The following CELF2 variants were observed in gnomAD, a reference collection of about 807,000 sequenced individuals.
CELF2 encodes CUGBP Elav-like family member 2.
Under a neutral mutation model 62.6 loss-of-function variants are expected in CELF2, and 8 were observed. The ratio of observed to expected loss-of-function variants is 0.13; its 90% CI spans 0.07 to 0.23. The LOEUF is 0.23. Ranked by LOEUF, CELF2 falls within the 10% of genes least tolerant of loss-of-function variation. CELF2 has a pLI of 1.00. For synonymous variants in CELF2, 258 were observed against 250.0 expected (o/e 1.03, Z -0.30); for missense variants, 333 against 671.0 (o/e 0.50, Z 5.56).
At chr10:10,982,013 T>C (rs926779532) in intron 2 of CELF2, among the ~76,000 whole-genome samples, 2 of 144,870 alleles carry the variant, frequency 1.4e-5, no homozygotes, top group Non-Finnish European at 1.5e-5. Flanking sequence ...TGGAGTGCAA[T>C]GGCATGATCT....
Position 11,197,070 on chromosome 10 carries a change from G to GAAAGGAAAGAAAGGAAA in CELF2, c.272-20355_272-20354insAAAGGAAAGAAAGGAAA, listed in dbSNP as rs1329770894. ...GAAAGAAAGAAAGAAAAGAAAGAAA[G>GAAAGGAAAGAAAGGAAA]GAAAGAAAGAAAGAAGAAAGAAAGA... is the stretch of plus-strand genomic sequence containing the variant. On this transcript the variant is annotated intron_variant, in intron 2 of 12. Coordinates refer to ENST00000633077, the MANE Select transcript of CELF2 (RefSeq NM_001326342.2). Among the ~76,000 whole-genome samples the GAAAGGAAAGAAAGGAAA allele has an allele frequency of 1.0e-4, 8 of 78,146 alleles. 1 individual carries two copies. The highest frequency in any genetic ancestry group is 5.9e-3 in the Middle Eastern group (1 of 170). 51.3% of individuals were successfully genotyped at this position (78,146 alleles called of 152,430 possible).
chr10:11,031,384 C>T (rs193036971), intron 1 of CELF2, among the ~76,000 whole-genome samples: 1 of 152,298 alleles, frequency 6.6e-6, no homozygotes, highest in East Asian at 1.9e-4. Context: ...CTTTCAGCCA[C>T]TCCACAGCTT....
chr10:11,182,380 A>G (rs2134070982), intron 2 of CELF2, among the ~76,000 whole-genome samples: 1 of 152,312 alleles, frequency 6.6e-6, no homozygotes, highest in Middle Eastern at 3.4e-3. Flanking sequence ...GTGCCAAGAC[A>G]TACGACCCTT....
At position 11,273,164 on chromosome 10, in the gene CELF2, A is replaced by C. The variant is rs182734224; in HGVS notation, c.778-1893A>C. On this transcript the variant is annotated intron_variant, in intron 7 of 12. Transcript: ENST00000633077. ...ATAACCTGATAGTGTGAAGTCCCAT[A>C]ATACCGTCGTACCTGAGGCTTGGGT... is the stretch of plus-strand genomic sequence containing the variant. 5.3e-5 allele frequency among the ~76,000 whole-genome samples: 8 copies of C among 152,146 alleles called. No individual in the cohort carries two copies. The East Asian group carries it at 1.4e-3, about 26-fold the overall frequency.
At chr10:10,683,724 A>G in the CELF2 span, among the ~76,000 whole-genome samples, 34,721 of 152,178 alleles carry the variant, frequency 0.23, 4,167 homozygotes, top group South Asian at 0.43. Flanking sequence ...TGTAGATCAT[A>G]TATGATGGGC....
the CELF2 span, among the ~76,000 whole-genome samples, chr10:10,735,387 C>T: frequency 3.8e-3 from 571 of 151,990 alleles, 5 homozygotes; most frequent in African/African-American, 0.013. Flanking sequence ...CAGTATGTTG[C>T]GAAAAAAATT....
At chr10:11,054,713 T>C (rs1245291809) in intron 1 of CELF2, among the ~76,000 whole-genome samples, 1 of 152,144 alleles carries the variant, frequency 6.6e-6, no homozygotes, top group Admixed American at 6.5e-5. Context: ...GAAAAAGACT[T>C]TCTTTTCTAG....
intron 2 of CELF2, among the ~76,000 whole-genome samples, chr10:11,176,787 C>A (rs1183002260): frequency 6.6e-6 from 1 of 152,120 alleles, no homozygotes; most frequent in East Asian, 1.9e-4. Context: ...ATCAACAAGG[C>A]GTTACTTTTG....
chr10:11,017,938 G>A lies in CELF2; in HGVS notation c.-152G>A. 1 of 984,632 alleles carries A rather than the reference G, an allele frequency of 1.0e-6. No homozygotes were observed. The highest frequency in any genetic ancestry group is 1.8e-5 in the African/African-American group (1 of 56,908). 61.0% of individuals were successfully genotyped at this position (984,632 alleles called of 1,614,324 possible). A position where few individuals can be genotyped will look rare whatever the true frequency, so the allele number is the denominator to read the frequency against. ...CGGCGCTGGATTTCGGAGGGGATTG[G>A]CGGAGCGCGAGGAGAGAATGTGACA... On this transcript the variant is annotated 5_prime_UTR_variant, in exon 1 of 13. Coordinates refer to ENST00000633077, the MANE Select transcript of CELF2 (RefSeq NM_001326342.2). The surrounding 1 kb of genome is among the most constrained non-coding windows in gnomAD (Gnocchi z 5.5).
At chr10:10,591,970 A>G in the CELF2 span, among the ~76,000 whole-genome samples, 1 of 152,226 alleles carries the variant, frequency 6.6e-6, no homozygotes, top group African/African-American at 2.4e-5. Context: ...TGTTTCATTA[A>G]ATTCACTCAG....
At chr10:10,536,251 C>T in the CELF2 span, among the ~76,000 whole-genome samples, 1 of 152,258 alleles carries the variant, frequency 6.6e-6, no homozygotes, top group East Asian at 1.9e-4. Context: ...ATCTCCTGAC[C>T]TTGTGATCTG....
the CELF2 span, among the ~76,000 whole-genome samples, chr10:10,543,187 G>T: frequency 2.6e-5 from 4 of 152,192 alleles, no homozygotes. Flanking sequence ...TGGCTGGGGA[G>T]CCAAGGGGTA....
upstream of CELF2, among the ~76,000 whole-genome samples, chr10:11,013,438 TAGTG>T (rs2056785350): frequency 6.6e-6 from 1 of 152,142 alleles, no homozygotes; most frequent in Non-Finnish European, 1.5e-5. The surrounding 1 kb of genome is among the most constrained non-coding windows in gnomAD (Gnocchi z 4.1). Flanking sequence ...CAGACCACGC[TAGTG>T]GGGTCCCTCC....
At chr10:11,183,091 A>G (rs72773996) in intron 2 of CELF2, among the ~76,000 whole-genome samples, 1,558 of 151,948 alleles carry the variant, frequency 0.01, 18 homozygotes, top group South Asian at 0.025. Flanking sequence ...CACATCTCTC[A>G]CCCCTGAAAG....
the CELF2 span, among the ~76,000 whole-genome samples, chr10:10,524,719 G>T: frequency 0.034 from 5,137 of 152,068 alleles, 286 homozygotes; most frequent in African/African-American, 0.12. Flanking sequence ...TTCAAATGAT[G>T]CCTCACACTT....
At position 11,255,721 on chromosome 10, in the gene CELF2, G is replaced by A. The variant is rs1221576294; in HGVS notation, c.404-2017G>A. ...CTGCCTCAAGAGCCCCAGTCACCCCGAGTATGTCACAGGCCACCTTCTCTC... is the reference window on the plus strand; with the variant it reads ...CTGCCTCAAGAGCCCCAGTCACCCCAAGTATGTCACAGGCCACCTTCTCTC... On this transcript the variant is annotated intron_variant, in intron 4 of 12. Transcript: ENST00000633077. This position sits in a 1 kb window ranked among gnomAD's most constrained non-coding sequence, Gnocchi z 5.5. Among the ~76,000 whole-genome samples, 2 of 152,126 alleles carry A rather than the reference G, an allele frequency of 1.3e-5. No individual in the cohort carries two copies. Among genetic ancestry groups the A allele is most frequent in the Admixed American group, 6.5e-5 (1 of 15,278 alleles).
At position 11,214,623 on chromosome 10, in the gene CELF2, G is replaced by T. The variant is rs921491568; in HGVS notation, c.272-2802G>T. On this transcript the variant is annotated intron_variant, in intron 2 of 12. Transcript: ENST00000633077. This position sits in a 1 kb window ranked among gnomAD's most constrained non-coding sequence, Gnocchi z 4.2. ...CCCTGCCAAACGCGGCGCCTGTGGAGCTGTGCTGGGGCTCAGCTCTTGGGT... is the reference window on the plus strand; with the variant it reads ...CCCTGCCAAACGCGGCGCCTGTGGATCTGTGCTGGGGCTCAGCTCTTGGGT... 6.6e-6 allele frequency among the ~76,000 whole-genome samples: 1 copy of T among 152,218 alleles called. No homozygotes were observed. Among genetic ancestry groups the T allele is most frequent in the Non-Finnish European group, 1.5e-5 (1 of 68,032 alleles).
intron 1 of CELF2, among the ~76,000 whole-genome samples, chr10:11,020,108 A>C (rs1347467146): frequency 6.6e-6 from 1 of 152,176 alleles, no homozygotes; most frequent in Non-Finnish European, 1.5e-5. Flanking sequence ...TGTTCAAGCG[A>C]TTTGCTCTGA....
chr10:11,197,035 A>AGG, intron 2 of CELF2, among the ~76,000 whole-genome samples: 1 of 35,984 alleles, frequency 2.8e-5, no homozygotes, highest in African/African-American at 1.6e-4. Context: ...AAAAGAAAGA[A>AGG]AGAAAGAAAG....
Sources: gnomAD v4.1 joint callset for allele counts (sites outside exome capture counted in the v4.1 genomes callset) on GRCh38, gnomAD v4.1.1 for gene constraint, Gnocchi (gnomAD v3.1) non-coding constraint, MANE v1.5 for transcripts, NCBI Gene and HGNC (gene_info 2026-07-23, HGNC 2026-07-21) for gene names.